The following DIAPH3 variants were observed in gnomAD, a reference collection of about 807,000 sequenced individuals.
The protein encoded by DIAPH3 is diaphanous related formin 3.
A neutral mutation model predicts 144.3 loss-of-function variants in DIAPH3; 117 were observed. The ratio of observed to expected loss-of-function variants is 0.81; its 90% confidence interval spans 0.70 to 0.95. The LOEUF is 0.95. Among genes scored for constraint, DIAPH3 ranks in the 40% least tolerant of loss-of-function variants. DIAPH3 has a pLI of 0.00. For missense variants in DIAPH3, 1,421 were observed against 1,412.7 expected (o/e 1.01, Z -0.09); for synonymous variants, 519 against 488.9 (o/e 1.06, Z -0.81).
intron 17 of DIAPH3, among the ~76,000 whole-genome samples, chr13:59,943,889 C>T (rs546514783): frequency 1.3e-5 from 2 of 152,156 alleles, no homozygotes; most frequent in East Asian, 1.9e-4. Flanking sequence ...ATAACAATTA[C>T]TACTATTTCC....
At chr13:59,891,914 GACTTA>G (rs1668786725) in intron 20 of DIAPH3, among the ~76,000 whole-genome samples, 1 of 152,060 alleles carries the variant, frequency 6.6e-6, no homozygotes, top group East Asian at 1.9e-4. Flanking sequence ...ATGAAAATGA[GACTTA>G]ACTTTACTCA....
At chr13:60,122,268 C>T (rs1013596561) in intron 2 of DIAPH3, among the ~76,000 whole-genome samples, 2 of 152,148 alleles carry the variant, frequency 1.3e-5, no homozygotes, top group Non-Finnish European at 2.9e-5. Flanking sequence ...CCTACCCACA[C>T]CTCATACCCC....
chr13:59,831,374 A>C (rs1439103924), intron 24 of DIAPH3, among the ~76,000 whole-genome samples: 1 of 151,868 alleles, frequency 6.6e-6, no homozygotes, highest in Non-Finnish European at 1.5e-5. Context: ...TGCAAAGGGC[A>C]GTCTTCAGGA....
chr13:60,083,241 GATC>G (rs1407981277), intron 4 of DIAPH3, among the ~76,000 whole-genome samples: 9 of 152,002 alleles, frequency 5.9e-5, no homozygotes, highest in African/African-American at 2.2e-4. Flanking sequence ...AAAAATGATT[GATC>G]ATCTTCAGAG....
intron 5 of DIAPH3, among the ~76,000 whole-genome samples, chr13:60,024,363 G>C (rs990312857): frequency 6.6e-6 from 1 of 151,764 alleles, no homozygotes; most frequent in East Asian, 1.9e-4. Context: ...TCTCCTTTCA[G>C]CCTCATGTTT....
chr13:60,080,513 T>C (rs1199763842), intron 4 of DIAPH3, among the ~76,000 whole-genome samples: 1 of 151,892 alleles, frequency 6.6e-6, no homozygotes, highest in Non-Finnish European at 1.5e-5. Context: ...CTTTTACATT[T>C]CAGCTAAAAT....
At chr13:60,143,928 G>A (rs1951388146) in intron 1 of DIAPH3, among the ~76,000 whole-genome samples, 1 of 152,174 alleles carries the variant, frequency 6.6e-6, no homozygotes, top group Admixed American at 6.5e-5. Context: ...AGTAGGTACT[G>A]CAGATAAAAA....
At chr13:59,752,514 C>G (rs1243611472) in intron 27 of DIAPH3, among the ~76,000 whole-genome samples, 2 of 151,904 alleles carry the variant, frequency 1.3e-5, no homozygotes, top group African/African-American at 4.8e-5. Context: ...ACTACAGGTG[C>G]ACACCAGCAC....
intron 20 of DIAPH3, among the ~76,000 whole-genome samples, chr13:59,904,488 G>T (rs1385191066): frequency 6.6e-6 from 1 of 152,060 alleles, no homozygotes; most frequent in African/African-American, 2.4e-5. Context: ...GAAAGGCTCG[G>T]GGAGCAACTG....
intron 4 of DIAPH3, among the ~76,000 whole-genome samples, chr13:60,071,202 T>A (rs1295970448): frequency 6.6e-6 from 1 of 152,208 alleles, no homozygotes; most frequent in Non-Finnish European, 1.5e-5. Context: ...TGTTCTGACC[T>A]ATTTGTAGCC....
chr13:59,788,388 C>T (rs1049067199), intron 25 of DIAPH3, among the ~76,000 whole-genome samples: 5 of 152,086 alleles, frequency 3.3e-5, no homozygotes, highest in African/African-American at 7.2e-5. Flanking sequence ...GGAAGGCCAA[C>T]GTGGGTGAAT....
chr13:60,008,557 G>T lies in DIAPH3; in HGVS notation c.1001C>A (p.Ser334Ter). 6.2e-7 allele frequency: 1 copy of T among 1,612,466 alleles called. No homozygotes were observed. Among genetic ancestry groups the T allele is most frequent in the Non-Finnish European group, 8.5e-7 (1 of 1,179,048 alleles). ...FCIVEGLRHN[S>*]VQLQVACMQL... ...CACAAAACTTACTTGCAGTTGAACT[G>T]AATTGTGCCGGAGGCCTTCCACAAT... The change falls in exon 9 of 28, where the codon TCA becomes TAA. Residue 334 changes from serine (S) to a stop codon, truncating the protein, a stop_gained. Transcript: ENST00000400324. LOFTEE classifies it high-confidence loss of function.
chr13:59,767,155 C>G (rs997142191), intron 27 of DIAPH3, among the ~76,000 whole-genome samples: 17 of 152,128 alleles, frequency 1.1e-4, no homozygotes, highest in Middle Eastern at 3.2e-3. Context: ...CACATGACGT[C>G]ATTTCCTCTG....
intron 2 of DIAPH3, among the ~76,000 whole-genome samples, chr13:60,121,750 T>C (rs2058850537): frequency 6.6e-6 from 1 of 152,138 alleles, no homozygotes; most frequent in Admixed American, 6.5e-5. Flanking sequence ...ACCTGAATAG[T>C]GAGAGAAGCA....
At chr13:60,113,602 T>C (rs2138078699) in intron 2 of DIAPH3, among the ~76,000 whole-genome samples, 1 of 152,294 alleles carries the variant, frequency 6.6e-6, no homozygotes, top group East Asian at 1.9e-4. Context: ...ACTGCTCTCA[T>C]TCTAACCACC....
chr13:59,811,096 A>G (rs2040450046), intron 24 of DIAPH3, among the ~76,000 whole-genome samples, 173 bp from the exon 25 acceptor site: 1 of 152,180 alleles, frequency 6.6e-6, no homozygotes. Flanking sequence ...CTTGTTAACT[A>G]TGTTATGTAT....
rs182669605 is a variant in DIAPH3, at chr13:59,854,440, C to T, written c.2737+6967G>A. ...TCTGGAGAGCAGCTGACAATTCTACCTGCAGCATTTGATTATCTCCATACC... is the reference window on the plus strand; with the variant it reads ...TCTGGAGAGCAGCTGACAATTCTACTTGCAGCATTTGATTATCTCCATACC... On this transcript the variant is annotated intron_variant, in intron 22 of 27. Transcript: ENST00000400324. Among the ~76,000 whole-genome samples the T allele has an allele frequency of 3.4e-3, 522 of 152,230 alleles. 3 individuals carry two copies. Among genetic ancestry groups the T allele is most frequent in the African/African-American group, 0.012 (489 of 41,542 alleles).
At chr13:59,819,836 AAATCAT>A (rs1284901219) in intron 24 of DIAPH3, among the ~76,000 whole-genome samples, 1 of 151,834 alleles carries the variant, frequency 6.6e-6, no homozygotes, top group Non-Finnish European at 1.5e-5. Context: ...GTAGAAATTG[AAATCAT>A]ATTGTTTGGT....
intron 25 of DIAPH3, among the ~76,000 whole-genome samples, chr13:59,778,574 A>T (rs2038551496): frequency 6.6e-6 from 1 of 152,242 alleles, no homozygotes; most frequent in South Asian, 2.1e-4. Context: ...ATGGGAATAC[A>T]TTCCCGCCAC....
Sources: allele counts gnomAD v4.1 joint callset (sites outside exome capture counted in the v4.1 genomes callset), GRCh38; gene constraint gnomAD v4.1.1; transcripts MANE v1.5; gene names NCBI Gene and HGNC (gene_info 2026-07-23, HGNC 2026-07-21).